The following COMMD1 variants were observed in gnomAD, a reference collection of about 807,000 sequenced individuals.
COMMD1 encodes copper metabolism domain containing 1.
COMMD1 carries 10 observed loss-of-function variants against 17.2 expected under a neutral mutation model. That is an observed-to-expected ratio of 0.58 (90% CI 0.36 to 0.99). The LOEUF (loss-of-function observed/expected upper bound fraction) is 0.99, where lower values mean the gene tolerates loss of function less well. COMMD1 is among the 50% of genes least tolerant of loss of function. The probability of loss-of-function intolerance (pLI) is 0.01; values close to 1 mark genes in which losing one functional copy is unlikely to be tolerated. For missense variants in COMMD1, 270 were observed against 231.8 expected, an observed-to-expected ratio of 1.17 and a Z score of -1.07; for synonymous variants, 97 against 91.6, an observed-to-expected ratio of 1.06 and a Z score of -0.34.
intron 1 of COMMD1, among the ~76,000 whole-genome samples, chr2:61,889,670 A>AT (rs1221153654): frequency 6.6e-6 from 1 of 151,764 alleles, no homozygotes; most frequent in African/African-American, 2.4e-5. Flanking sequence ...GAAAAGGGAG[A>AT]TTTGGAATGA....
intron 1 of COMMD1, among the ~76,000 whole-genome samples, chr2:61,990,921 C>T (rs1558551621): frequency 2.0e-5 from 3 of 149,782 alleles, no homozygotes; most frequent in South Asian, 4.3e-4. Context: ...CACACACACA[C>T]ACACACACAC....
intron 1 of COMMD1, among the ~76,000 whole-genome samples, chr2:61,936,099 C>T (rs990224760): frequency 5.3e-5 from 8 of 152,074 alleles, no homozygotes; most frequent in South Asian, 2.1e-4. Flanking sequence ...ACACCATGCC[C>T]GGCCCAGCCC....
intron 2 of COMMD1, among the ~76,000 whole-genome samples, chr2:62,130,064 A>C (rs1035707953): frequency 6.6e-6 from 1 of 151,326 alleles, no homozygotes; most frequent in Non-Finnish European, 1.5e-5. Flanking sequence ...AGTCCCAGCT[A>C]TTCAGGAGGC....
intron 1 of COMMD1, among the ~76,000 whole-genome samples, chr2:61,964,097 C>T (rs551458879): frequency 4.8e-4 from 73 of 152,344 alleles, no homozygotes; most frequent in Middle Eastern, 3.4e-3. Flanking sequence ...TTTCCCATTT[C>T]TTATTTCTCT....
chr2:61,905,216 T>G (rs1466656786), upstream of COMMD1, among the ~76,000 whole-genome samples: 3 of 152,058 alleles, frequency 2.0e-5, no homozygotes, highest in Non-Finnish European at 4.4e-5. Context: ...AGAAAAACAT[T>G]ATGTAATCAG....
chr2:62,062,588 A>G (rs1039112507), intron 2 of COMMD1, among the ~76,000 whole-genome samples: 10 of 152,166 alleles, frequency 6.6e-5, no homozygotes, highest in African/African-American at 2.4e-4. Flanking sequence ...TTTGCCTAAT[A>G]AATAACTTAT....
At chr2:62,017,905 A>T (rs1033311846) in intron 2 of COMMD1, among the ~76,000 whole-genome samples, 1 of 152,028 alleles carries the variant, frequency 6.6e-6, no homozygotes, top group African/African-American at 2.4e-5. Flanking sequence ...TTACCTGAGC[A>T]TGGTGGCATG....
intron 2 of COMMD1, among the ~76,000 whole-genome samples, chr2:62,048,445 C>G (rs1670444963): frequency 6.6e-6 from 1 of 152,092 alleles, no homozygotes; most frequent in African/African-American, 2.4e-5. Flanking sequence ...GCCTCGCCCT[C>G]CCAAAGTGCT....
At chr2:61,897,663 C>T (rs554533470) in intron 1 of COMMD1, among the ~76,000 whole-genome samples, 3 of 152,174 alleles carry the variant, frequency 2.0e-5, no homozygotes, top group African/African-American at 7.2e-5. Flanking sequence ...GCAGGAGAAT[C>T]GCGTGAACCC....
At chr2:62,024,760 T>A (rs988955940) in intron 2 of COMMD1, among the ~76,000 whole-genome samples, 1 of 152,218 alleles carries the variant, frequency 6.6e-6, no homozygotes, top group Non-Finnish European at 1.5e-5. Flanking sequence ...CTATACAAAT[T>A]TATCTGATGC....
chr2:61,930,614 G>GTT (rs925369969), intron 1 of COMMD1, among the ~76,000 whole-genome samples: 3 of 109,464 alleles, frequency 2.7e-5, no homozygotes, highest in Admixed American at 1.0e-4. Context: ...AAACCACAGG[G>GTT]TTTTGTGTGT....
At chr2:62,048,952 G>C (rs901914307) in intron 2 of COMMD1, among the ~76,000 whole-genome samples, 4 of 151,936 alleles carry the variant, frequency 2.6e-5, no homozygotes, top group African/African-American at 9.7e-5. Flanking sequence ...TAATTGATTT[G>C]GATATAGTGG....
At chr2:62,017,860 C>G (rs1426388029) in intron 2 of COMMD1, among the ~76,000 whole-genome samples, 1 of 151,852 alleles carries the variant, frequency 6.6e-6, no homozygotes, top group Non-Finnish European at 1.5e-5. Flanking sequence ...CTGGGCAACA[C>G]AGGAAGACCC....
At chr2:62,024,048 AC>A (rs1158112961) in intron 2 of COMMD1, among the ~76,000 whole-genome samples, 1 of 152,212 alleles carries the variant, frequency 6.6e-6, no homozygotes, top group East Asian at 1.9e-4. Context: ...ATTGTGGTAA[AC>A]TACATATAAT....
At chr2:62,108,941 G>A (rs1317173402) in intron 2 of COMMD1, among the ~76,000 whole-genome samples, 8 of 152,188 alleles carry the variant, frequency 5.3e-5, no homozygotes, top group Non-Finnish European at 1.0e-4. Flanking sequence ...GAGCTGAGAA[G>A]TTATTATCCC....
chr2:62,003,404 G>A (rs1182392552), intron 2 of COMMD1, among the ~76,000 whole-genome samples: 2 of 151,602 alleles, frequency 1.3e-5, no homozygotes, highest in Admixed American at 6.6e-5. Context: ...AGCCGGGCGT[G>A]GTGGCGGGCG....
intron 2 of COMMD1, among the ~76,000 whole-genome samples, chr2:62,041,561 C>T (rs1444956815): frequency 6.6e-6 from 1 of 151,954 alleles, no homozygotes; most frequent in Non-Finnish European, 1.5e-5. Context: ...CCAATTCTTT[C>T]TGTGTTTTGT....
At chr2:62,091,562 G>T (rs779960620) in intron 2 of COMMD1, among the ~76,000 whole-genome samples, 1 of 152,130 alleles carries the variant, frequency 6.6e-6, no homozygotes, top group African/African-American at 2.4e-5. Flanking sequence ...CCCATGTCTG[G>T]GTATTCCATA....
intron 2 of COMMD1, among the ~76,000 whole-genome samples, chr2:62,063,041 A>AC (rs1174453325): frequency 2.6e-5 from 4 of 151,900 alleles, no homozygotes; most frequent in Non-Finnish European, 5.9e-5. Context: ...ACATGGTGAA[A>AC]CCCCATCTCT....
Sources: gnomAD v4.1 joint callset for allele counts (sites outside exome capture counted in the v4.1 genomes callset) on GRCh38, gnomAD v4.1.1 for gene constraint, MANE v1.5 for transcripts, NCBI Gene and HGNC (gene_info 2026-07-23, HGNC 2026-07-21) for gene names.